PRKCE: variants seen among roughly 807,000 people sequenced by gnomAD.
PRKCE encodes protein kinase C epsilon type.
PRKCE carries 16 observed loss-of-function variants against 85.4 expected under a neutral mutation model. The ratio of observed to expected loss-of-function variants is 0.19; its 90% confidence interval spans 0.13 to 0.28. The LOEUF is 0.28. Ranked by LOEUF, PRKCE falls within the 10% of genes least tolerant of loss-of-function variation. The pLI, the probability that PRKCE is intolerant of heterozygous loss-of-function variation, is 1.00. For missense variants in PRKCE, 573 were observed against 975.2 expected, an observed-to-expected ratio of 0.59 and a Z score of 5.49; for synonymous variants, 388 against 371.5, an observed-to-expected ratio of 1.04 and a Z score of -0.51.
chr2:45,878,456 G>T (rs938616178), intron 2 of PRKCE, among the ~76,000 whole-genome samples: 1 of 152,224 alleles, frequency 6.6e-6, no homozygotes, highest in Non-Finnish European at 1.5e-5. Context: ...TTTCACTTGC[G>T]CCTCATCTTT....
In PRKCE at chr2:46,103,454, A is replaced by G. The variant is rs115506037; in HGVS notation, c.1592+17092A>G. Among the ~76,000 whole-genome samples the G allele has an allele frequency of 6.0e-3, 920 of 152,338 alleles. 10 individuals are homozygous for G. Among genetic ancestry groups the G allele is most frequent in the African/African-American group, 0.021 (874 of 41,572 alleles). On this transcript the variant is annotated intron_variant, in intron 11 of 14. Transcript: ENST00000306156. Reference sequence around the variant, plus strand: ...CTTGTAGTCCCTCTCAAAGGACAGAACAAGGAATTGTGTGTGTTCTAACTC... The same window carrying G: ...CTTGTAGTCCCTCTCAAAGGACAGAGCAAGGAATTGTGTGTGTTCTAACTC...
intron 10 of PRKCE, among the ~76,000 whole-genome samples, chr2:46,085,480 C>T (rs144955321): frequency 7.9e-4 from 120 of 152,284 alleles, no homozygotes; most frequent in African/African-American, 2.8e-3. Context: ...CATGAAGGTG[C>T]TGGCTAGGCT....
chr2:45,677,433 T>C (rs1247182552), intron 1 of PRKCE, among the ~76,000 whole-genome samples: 1 of 146,850 alleles, frequency 6.8e-6, no homozygotes, highest in South Asian at 2.3e-4. Flanking sequence ...CTCAGCTCAC[T>C]GCAAGCTCCG....
chr2:46,093,828 C>A (rs1670420827), intron 11 of PRKCE, among the ~76,000 whole-genome samples: 1 of 152,128 alleles, frequency 6.6e-6, no homozygotes, highest in Non-Finnish European at 1.5e-5. Context: ...CCCTTCCCAA[C>A]CTCCCATCCT....
intron 1 of PRKCE, among the ~76,000 whole-genome samples, chr2:45,823,372 G>A (rs1427714064): frequency 6.6e-6 from 1 of 152,220 alleles, no homozygotes; most frequent in Non-Finnish European, 1.5e-5. Context: ...ACCCCTAGTA[G>A]CTGAGCTGTT....
intron 1 of PRKCE, among the ~76,000 whole-genome samples, chr2:45,705,524 G>A (rs1015798408): frequency 1.3e-5 from 2 of 152,186 alleles, no homozygotes; most frequent in South Asian, 2.1e-4. Flanking sequence ...CCAGCCCTCC[G>A]TGAGTAGAGG....
chr2:45,658,247 T>C (rs1380214306), intron 1 of PRKCE, among the ~76,000 whole-genome samples: 2 of 152,176 alleles, frequency 1.3e-5, no homozygotes, highest in Non-Finnish European at 2.9e-5. Flanking sequence ...TAATCCAATA[T>C]TGCTCTCATT....
intron 1 of PRKCE, among the ~76,000 whole-genome samples, chr2:45,831,576 G>A (rs1558725521): frequency 6.6e-6 from 1 of 152,198 alleles, no homozygotes; most frequent in Non-Finnish European, 1.5e-5. Flanking sequence ...CAGAATTTGT[G>A]ATGTATAACT....
intron 9 of PRKCE, among the ~76,000 whole-genome samples, chr2:46,008,505 A>G (rs1352406420): frequency 5.3e-5 from 8 of 152,104 alleles, no homozygotes; most frequent in African/African-American, 1.9e-4. Flanking sequence ...GGACCCCCTG[A>G]GAAGTTCTGG....
intron 2 of PRKCE, among the ~76,000 whole-genome samples, chr2:45,897,203 A>T (rs1444339436): frequency 6.6e-6 from 1 of 152,244 alleles, no homozygotes; most frequent in African/African-American, 2.4e-5. Flanking sequence ...TTAGTTCAGT[A>T]AGTATAGGCA....
chr2:46,075,994 A>T (rs1258324868), intron 10 of PRKCE, among the ~76,000 whole-genome samples: 2 of 152,210 alleles, frequency 1.3e-5, no homozygotes, highest in African/African-American at 2.4e-5. Context: ...GAAAGCAACC[A>T]GTGGGGCGAA....
At chr2:46,087,157 TC>T (rs1486833538) in intron 11 of PRKCE, among the ~76,000 whole-genome samples, 2 of 98,806 alleles carry the variant, frequency 2.0e-5, no homozygotes, top group Admixed American at 1.1e-4. Flanking sequence ...TCTATTCTAT[TC>T]TTTTTTTTTT....
At chr2:45,943,050 CT>C (rs1238915496) in intron 2 of PRKCE, among the ~76,000 whole-genome samples, 1 of 152,106 alleles carries the variant, frequency 6.6e-6, no homozygotes, top group Non-Finnish European at 1.5e-5. Context: ...AATATTTCTA[CT>C]TTTATGGCAT....
chr2:45,739,090 C>A (rs1216912928), intron 1 of PRKCE, among the ~76,000 whole-genome samples: 1 of 152,234 alleles, frequency 6.6e-6, no homozygotes, highest in Non-Finnish European at 1.5e-5. Context: ...CAGACAAGAT[C>A]TTCCCAAGTG....
At chr2:45,850,140 C>A (rs551469658) in intron 2 of PRKCE, among the ~76,000 whole-genome samples, 1 of 152,348 alleles carries the variant, frequency 6.6e-6, no homozygotes, top group East Asian at 1.9e-4. Context: ...AGAAACAGAA[C>A]TGAATCTTGA....
intron 2 of PRKCE, among the ~76,000 whole-genome samples, chr2:45,946,316 C>G (rs962899578): frequency 5.3e-5 from 8 of 152,142 alleles, no homozygotes; most frequent in Non-Finnish European, 1.2e-4. Flanking sequence ...CATTTTTTTT[C>G]TGGCTCTCTT....
At chr2:46,118,580 C>T (rs1672997382) in intron 11 of PRKCE, among the ~76,000 whole-genome samples, 1 of 152,178 alleles carries the variant, frequency 6.6e-6, no homozygotes, top group African/African-American at 2.4e-5. Context: ...GGAGATGAGA[C>T]TATTATATGA....
chr2:45,857,650 C>T (rs891830160), intron 2 of PRKCE, among the ~76,000 whole-genome samples: 1 of 151,992 alleles, frequency 6.6e-6, no homozygotes, highest in Non-Finnish European at 1.5e-5. Flanking sequence ...TGAGCTCAAG[C>T]AATCTGCCTG....
At chr2:45,977,694 G>T (rs10165113) in intron 3 of PRKCE, among the ~76,000 whole-genome samples, 1 of 151,860 alleles carries the variant, frequency 6.6e-6, no homozygotes, top group Non-Finnish European at 1.5e-5. Flanking sequence ...ATGATCGAAG[G>T]CCAGCCCCAT....
Sources: allele counts gnomAD v4.1 joint callset (sites outside exome capture counted in the v4.1 genomes callset), GRCh38; gene constraint gnomAD v4.1.1; transcripts MANE v1.5; gene names NCBI Gene and HGNC (gene_info 2026-07-23, HGNC 2026-07-21).